The following PIGZ variants were observed in gnomAD, a reference collection of about 807,000 sequenced individuals.
PIGZ encodes GPI alpha-1,2-mannosyltransferase 4.
PIGZ carries 16 observed loss-of-function variants against 16.4 expected under a neutral mutation model. The observed-to-expected ratio is 0.97, with a 90% CI of 0.66 to 1.48. PIGZ has a LOEUF of 1.48. PIGZ is among the 40% of genes most tolerant of loss of function. The pLI, the probability that PIGZ is intolerant of heterozygous loss-of-function variation, is 0.00. For missense variants in PIGZ, 770 were observed against 739.2 expected (o/e 1.04, Z -0.48); for synonymous variants, 409 against 338.4 (o/e 1.21, Z -2.29).
At chr3:196,961,527 T>A (rs1717723181) in intron 1 of PIGZ, among the ~76,000 whole-genome samples, 1 of 152,144 alleles carries the variant, frequency 6.6e-6, no homozygotes, top group African/African-American at 2.4e-5. Flanking sequence ...GAGGATTGCT[T>A]GACCCCAGGA....
In PIGZ at chr3:196,965,489, A is replaced by G. The variant is rs956712169; in HGVS notation, c.-1+3198T>C. Among the ~76,000 whole-genome samples, 16 of 152,160 alleles carry G rather than the reference A, an allele frequency of 1.1e-4. No homozygotes were observed. The highest frequency in any genetic ancestry group is 3.9e-4 in the African/African-American group (16 of 41,442). On this transcript the variant is annotated intron_variant, in intron 1 of 2. Coordinates refer to ENST00000412723, the MANE Select transcript of PIGZ (RefSeq NM_025163.4). This position sits in a 1 kb window ranked among gnomAD's most constrained non-coding sequence, Gnocchi z 4.2. The stretch of plus-strand genomic sequence containing the variant: ...GGGGCGGGGACACAAAAGCCTAACC[A>G]TGTCATACCATTTGCCCAATTTAGT...
Position 196,947,904 on chromosome 3 carries a change from G to A in PIGZ, c.993C>T (p.Ala331=), listed in dbSNP as rs976098262. 21 of 1,614,006 alleles carry A rather than the reference G, an allele frequency of 1.3e-5. No individual in the cohort carries two copies. The South Asian group carries it at 1.6e-4, about 13-fold the overall frequency. Residue 331 remains alanine (A), a synonymous_variant, in exon 3 of 3, where the codon GCC becomes GCT. Transcript: ENST00000412723. The part of the protein sequence containing the change: ...NGFLLFGVLH[A]QALQAAWQRL... ...GTTGCCACGCAGCCTGCAGGGCCTG[G>A]GCATGCAGCACCCCGAAGAGCAGGA... is the stretch of plus-strand genomic sequence containing the variant.
At position 196,947,452 on chromosome 3, in the gene PIGZ, A is replaced by G; in HGVS notation, c.1445T>C (p.Val482Ala). The G allele has an allele frequency of 1.2e-6, 2 of 1,613,546 alleles. No individual in the cohort carries two copies. The highest frequency in any genetic ancestry group is 2.2e-5 in the East Asian group (1 of 44,876). ...AGTCCCCCCCATGTCCACCACCTCC[A>G]CTGGTGCCCCCAGGCCTGGGAGGTG... ...LLHLPGLGAP[V>A]EVVDMGGTED... The change falls in exon 3 of 3, where the codon GTG becomes GCG. Residue 482 changes from valine to alanine, a missense_variant. Physicochemically the swap from Val to Ala is moderately conservative, Grantham distance 64. Transcript: ENST00000412723.
chr3:196,965,847 A>T lies in PIGZ; in HGVS notation c.-1+2840T>A, dbSNP rs927195467. On this transcript the variant is annotated intron_variant, in intron 1 of 2. Transcript: ENST00000412723. The surrounding 1 kb of genome is among the most constrained non-coding windows in gnomAD (Gnocchi z 4.2). ...GATGGTAAGAAGCATGACCTGGAGT[A>T]GACTGCACCGCCATCCGCCTCTCCA... is the stretch of plus-strand genomic sequence containing the variant. Among the ~76,000 whole-genome samples, 12 of 152,202 alleles carry T rather than the reference A, an allele frequency of 7.9e-5. No homozygotes were observed. The highest frequency in any genetic ancestry group is 2.4e-4 in the African/African-American group (10 of 41,520).
At position 196,947,592 on chromosome 3, in the gene PIGZ, C is replaced by CAGGCCCCCCTG. The variant is rs981471849; in HGVS notation, c.1294_1304dup (p.Val436ArgfsTer68). ...GCTCCAGGTACTCCAGGCCAGGCAC[C>CAGGCCCCCCTG]AGGCCCCCCTGATGCAGGCAGCCGA... On this transcript the variant is annotated frameshift_variant, in exon 3 of 3. Transcript: ENST00000412723. LOFTEE classifies it high-confidence loss of function. 3.7e-6 allele frequency: 6 copies of CAGGCCCCCCTG among 1,613,616 alleles called. No homozygotes were observed. Among genetic ancestry groups the CAGGCCCCCCTG allele is most frequent in the Non-Finnish European group, 5.1e-6 (6 of 1,179,872 alleles).
At chr3:196,956,390 A>G (rs892111693) in intron 1 of PIGZ, among the ~76,000 whole-genome samples, 3 of 152,222 alleles carry the variant, frequency 2.0e-5, no homozygotes, top group African/African-American at 7.2e-5. Context: ...ACGAATGAGA[A>G]GCAAGCGAAT....
chr3:196,954,647 A>G (rs1449362171), intron 1 of PIGZ, among the ~76,000 whole-genome samples: 1 of 152,186 alleles, frequency 6.6e-6, no homozygotes, highest in African/African-American at 2.4e-5. Flanking sequence ...CTTATTTTCT[A>G]TGAGAAGTGT....
chr3:196,966,609 G>A (rs1252097133), intron 1 of PIGZ, among the ~76,000 whole-genome samples: 1 of 152,226 alleles, frequency 6.6e-6, no homozygotes, highest in East Asian at 1.9e-4. Context: ...CGGAGAAGGT[G>A]ACAACGTAGT....
chr3:196,948,973 C>T lies in PIGZ; in HGVS notation c.212-288G>A, dbSNP rs11714262. Among the ~76,000 whole-genome samples the T allele has an allele frequency of 5.8e-4, 10 of 17,310 alleles. 1 individual carries two copies. The highest frequency in any genetic ancestry group is 2.2e-3 in the Admixed American group (3 of 1,360). The allele number at this position is 17,310 out of a possible 152,430, so 11.4% of individuals were successfully genotyped here. A position where few individuals can be genotyped will look rare whatever the true frequency, so the allele number is the denominator to read the frequency against. ...CCTCCCCTCCCTTCCTTCCCTTCCC[C>T]TCCCCTCCCTTCCCTTCCTTCCCTT... is the stretch of plus-strand genomic sequence containing the variant. On this transcript the variant is annotated intron_variant, in intron 2 of 2. Coordinates refer to ENST00000412723, the MANE Select transcript of PIGZ (RefSeq NM_025163.4).
intron 1 of PIGZ, among the ~76,000 whole-genome samples, chr3:196,963,359 T>A (rs1717796985): frequency 6.6e-6 from 1 of 152,242 alleles, no homozygotes; most frequent in Non-Finnish European, 1.5e-5. Flanking sequence ...GTTTAATCAT[T>A]TGGGGAAACT....
chr3:196,960,668 CA>C (rs1057439977), intron 1 of PIGZ, among the ~76,000 whole-genome samples: 3 of 100,614 alleles, frequency 3.0e-5, no homozygotes, highest in Non-Finnish European at 4.0e-5. Context: ...GAACCTGTCT[CA>C]AAAAAAAAGA....
chr3:196,949,421 C>T (rs750242254), intron 2 of PIGZ, among the ~76,000 whole-genome samples: 14 of 152,234 alleles, frequency 9.2e-5, no homozygotes, highest in South Asian at 4.1e-4. Flanking sequence ...GGCTTCAAGA[C>T]GGAAGAGGCC....
Position 196,948,470 on chromosome 3 carries a change from C to T in PIGZ, c.427G>A (p.Ala143Thr). Residue 143 changes from alanine to threonine, a missense_variant, in exon 3 of 3, where the codon GCC becomes ACC. Physicochemically the swap from Ala to Thr is moderately conservative, Grantham distance 58. Transcript: ENST00000412723. The part of the protein sequence containing the change: ...LTALSFALDG[A>T]VYHLAPPMGA... ...ATCGGCGGGGCCAGGTGGTACACGG[C>T]CCCGTCCAGAGCAAAGGAAAGGGCA... 1 of 1,613,840 alleles carries T rather than the reference C, an allele frequency of 6.2e-7. No homozygotes were observed. Among genetic ancestry groups the T allele is most frequent in the Non-Finnish European group, 8.5e-7 (1 of 1,179,906 alleles).
At chr3:196,954,383 G>C (rs1435001599) in intron 1 of PIGZ, among the ~76,000 whole-genome samples, 1 of 152,224 alleles carries the variant, frequency 6.6e-6, no homozygotes, top group African/African-American at 2.4e-5. Context: ...TCTAACTGTA[G>C]TTTGTACTGT....
Position 196,947,189 on chromosome 3 carries a change from G to T in PIGZ, c.1708C>A (p.Leu570Ile). Residue 570 changes from leucine (L) to isoleucine (I), a missense_variant, in exon 3 of 3, where the codon CTT becomes ATT. Leu to Ile is a conservative substitution (Grantham distance 5, BLOSUM62 2). Transcript: ENST00000412723. ...TCTTCCCCCAGCTCCACAATGTGAA[G>T]ACTGAGGTGGTCCCTCCAAGCCCCA... ...LSGAWRDHLS[L>I]HIVELGEET is the part of the protein sequence containing the mutation. 1 of 1,573,400 alleles carries T rather than the reference G, an allele frequency of 6.4e-7. No individual in the cohort carries two copies. Among genetic ancestry groups the T allele is most frequent in the Non-Finnish European group, 8.6e-7 (1 of 1,157,796 alleles).
At chr3:196,962,862 A>C (rs1717777628) in intron 1 of PIGZ, among the ~76,000 whole-genome samples, 1 of 152,194 alleles carries the variant, frequency 6.6e-6, no homozygotes, top group South Asian at 2.1e-4. Flanking sequence ...GATAGTAGAG[A>C]TAATGATCAA....
At position 196,948,903 on chromosome 3, in the gene PIGZ, C is replaced by CCTTCCCTT. The variant is rs1362453464; in HGVS notation, c.212-219_212-218insAAGGGAAG. On this transcript the variant is annotated intron_variant, in intron 2 of 2. Coordinates refer to ENST00000412723, the MANE Select transcript of PIGZ (RefSeq NM_025163.4). The stretch of plus-strand genomic sequence containing the variant: ...TCCCTTCCTTCCCCTTCCTTCCCTT[C>CCTTCCCTT]CCCTCCCCTCCCTTCCCTTCCTTCC... 4.5e-5 allele frequency among the ~76,000 whole-genome samples: 2 copies of CCTTCCCTT among 44,420 alleles called. 1 individual carries two copies. Among genetic ancestry groups the CCTTCCCTT allele is most frequent in the African/African-American group, 2.3e-4 (2 of 8,742 alleles). The allele number at this position is 44,420 out of a possible 152,430, so 29.1% of individuals were successfully genotyped here.
rs968746151 is a variant in PIGZ, at chr3:196,948,149, C to A, written c.748G>T (p.Gly250Cys). Reference sequence around the variant, plus strand: ...GCCTCCCGGGTCAGAGACTTCAAACCAGGGTTTGTGGCTCCACGAGTGCCC... The same window carrying A: ...GCCTCCCGGGTCAGAGACTTCAAACAAGGGTTTGTGGCTCCACGAGTGCCC... The part of the protein sequence containing the change: ...LWGTRGATNP[G>C]LKSLTREALV... The change falls in exon 3 of 3, where the codon GGT becomes TGT. Residue 250 changes from glycine (G) to cysteine (C), a missense_variant. Gly to Cys is a radical substitution (Grantham distance 159). Coordinates refer to ENST00000412723, the MANE Select transcript of PIGZ (RefSeq NM_025163.4). The A allele has an allele frequency of 6.2e-7, 1 of 1,610,696 alleles. No homozygotes were observed. Among genetic ancestry groups the A allele is most frequent in the South Asian group, 1.1e-5 (1 of 90,762 alleles).
intron 1 of PIGZ, among the ~76,000 whole-genome samples, chr3:196,956,008 TTTGGAAG>T (rs1215775463): frequency 6.6e-6 from 1 of 152,028 alleles, no homozygotes; most frequent in African/African-American, 2.4e-5. Flanking sequence ...TCTCTAACAG[TTTGGAAG>T]TTACATATAC....
Sources: gnomAD v4.1 joint callset for allele counts (sites outside exome capture counted in the v4.1 genomes callset) on GRCh38, gnomAD v4.1.1 for gene constraint, Gnocchi (gnomAD v3.1) non-coding constraint, MANE v1.5 for transcripts, NCBI Gene and HGNC (gene_info 2026-07-23, HGNC 2026-07-21) for gene names.